UFSP2: variants seen among roughly 807,000 people sequenced by gnomAD.
UFSP2 encodes UFM1 specific peptidase 2, also known as ufm1-specific protease 2.
UFSP2 carries 43 observed loss-of-function variants against 60.2 expected under a neutral mutation model. That is an observed-to-expected ratio of 0.71 (90% CI 0.56 to 0.92). UFSP2 has a LOEUF of 0.92. UFSP2 is among the 40% of genes least tolerant of loss of function. The probability of loss-of-function intolerance (pLI) is 0.00; values close to 1 mark genes in which losing one functional copy is unlikely to be tolerated. For missense variants in UFSP2, 520 were observed against 575.0 expected, an observed-to-expected ratio of 0.90 and a Z score of 0.98; for synonymous variants, 183 against 195.1, an observed-to-expected ratio of 0.94 and a Z score of 0.52.
Position 185,408,043 on chromosome 4 carries a change from C to G in UFSP2, c.1014G>C (p.Gly338=). Residue 338 remains glycine, a synonymous_variant, in exon 9 of 12, where the codon GGG becomes GGC. Transcript: ENST00000264689. ...ATCCGACAAATGTTGCTGGTTTGTC[C>G]CCGGCATCGACTAGAGCCTTGATGT... ...REIQQALVDA[G]DKPATFVGSR... 2 of 1,613,692 alleles carry G rather than the reference C, an allele frequency of 1.2e-6. No homozygotes were observed. Among genetic ancestry groups the G allele is most frequent in the South Asian group, 1.1e-5 (1 of 91,062 alleles).
rs1276986723 is a variant in UFSP2, at chr4:185,418,503, C to CAAATCT, written c.267-2_270dup (p.Phe90_Glu91insArgPhe). On this transcript the variant is annotated inframe_insertion, in exon 4 of 12. Coordinates refer to ENST00000264689, the MANE Select transcript of UFSP2 (RefSeq NM_018359.5). ...TTTCTTTTTATATCTTCTTCTGGCT[C>CAAATCT]AAATCTAAATTTTTAATACACAGAC... is the stretch of plus-strand genomic sequence containing the variant. 1.6e-5 allele frequency: 26 copies of CAAATCT among 1,611,784 alleles called. No homozygotes were observed. Among genetic ancestry groups the CAAATCT allele is most frequent in the Non-Finnish European group, 2.1e-5 (25 of 1,179,022 alleles).
At chr4:185,418,897 T>A in intron 2 of UFSP2, 127 bp from the exon 3 acceptor site, 2 of 736,662 alleles carry the variant, frequency 2.7e-6, no homozygotes, top group Non-Finnish European at 4.0e-6. Flanking sequence ...AATAATAATT[T>A]CAAAATTTTT....
rs976431332 is a variant in UFSP2, at chr4:185,418,596, C to T, written c.257G>A (p.Arg86His). 5.0e-6 allele frequency: 8 copies of T among 1,612,850 alleles called. No homozygotes were observed. The Admixed American group carries it at 5.0e-5, about 10-fold the overall frequency. The change falls in exon 3 of 12, where the codon CGC (arginine) becomes CAC (histidine). Residue 86 changes from arginine (R) to histidine (H), a missense_variant. Transcript: ENST00000264689. ...TDASACKNILRFIQFEPEEDI... is the reference protein window; with the variant it reads ...TDASACKNILHFIQFEPEEDI... ...CTTCAAACATACTCACTGAATAAAGCGCAGTATGTTCTTACAAGCAGAAGC... is the reference window on the plus strand; with the variant it reads ...CTTCAAACATACTCACTGAATAAAGTGCAGTATGTTCTTACAAGCAGAAGC...
intron 6 of UFSP2, 36 bp downstream of exon 6, chr4:185,415,116 CATT>C (rs2095536035): frequency 1.4e-6 from 2 of 1,461,186 alleles, no homozygotes; most frequent in South Asian, 1.3e-5. Context: ...GAATGATAGT[CATT>C]ATTGTTTTTT....
rs2095543539 is a variant in UFSP2 at position 185,418,593 on chromosome 4, A to G, written c.260T>C (p.Phe87Ser). 1 of 1,613,016 alleles carries G rather than the reference A, an allele frequency of 6.2e-7. No homozygotes were observed. The highest frequency in any genetic ancestry group is 1.7e-5 in the Admixed American group (1 of 59,822). The part of the protein sequence containing the change: ...DASACKNILR[F>S]IQFEPEEDIK... ...AATCTTCAAACATACTCACTGAATA[A>G]AGCGCAGTATGTTCTTACAAGCAGA... The change falls in exon 3 of 12, where the codon TTT becomes TCT. Residue 87 changes from phenylalanine (F) to serine (S), a missense_variant. Transcript: ENST00000264689.
chr4:185,408,147 A>G (rs2095523588), intron 8 of UFSP2, 87 bp from the exon 9 acceptor site: 2 of 1,549,372 alleles, frequency 1.3e-6, no homozygotes, highest in South Asian at 1.2e-5. Context: ...TTACCAGTAC[A>G]AGAATTTTTT....
chr4:185,425,928 C>T lies in UFSP2; in HGVS notation c.-60G>A. The T allele has an allele frequency of 6.4e-7, 1 of 1,562,050 alleles. No individual in the cohort carries two copies. Among genetic ancestry groups the T allele is most frequent in the Non-Finnish European group, 8.7e-7 (1 of 1,152,716 alleles). ...CTGCCCAAAAGTTCCGGGGGCCGGC[C>T]CTGAAGTGGTGTCACCGCACGGCCC... On this transcript the variant is annotated 5_prime_UTR_variant, in exon 1 of 12. Transcript: ENST00000264689.
chr4:185,410,729 G>A (rs1052050531), intron 7 of UFSP2, among the ~76,000 whole-genome samples: 27 of 150,938 alleles, frequency 1.8e-4, no homozygotes, highest in Non-Finnish European at 3.0e-4. Flanking sequence ...GGCAGATCAC[G>A]AGGTCAGGAG....
Position 185,413,854 on chromosome 4 carries a change from T to C in UFSP2, c.703A>G (p.Asn235Asp), listed in dbSNP as rs752847349. Reference protein sequence around the residue: ...AYRKELHDLFNLPHDRPYFKR... With the variant: ...AYRKELHDLFDLPHDRPYFKR... The stretch of plus-strand genomic sequence containing the variant: ...AAATAGGGTCTGTCGTGAGGCAGAT[T>C]GAAAAGATCATGTAACTCCTAAAAT... The change falls in exon 7 of 12, where the codon AAT becomes GAT. Residue 235 changes from asparagine (N) to aspartate (D), a missense_variant. Coordinates refer to ENST00000264689, the MANE Select transcript of UFSP2 (RefSeq NM_018359.5). 6.2e-7 allele frequency: 1 copy of C among 1,606,728 alleles called. No individual in the cohort carries two copies. Among genetic ancestry groups the C allele is most frequent in the South Asian group, 1.1e-5 (1 of 89,198 alleles).
chr4:185,407,457 G>C (rs971822339), intron 9 of UFSP2, among the ~76,000 whole-genome samples: 71 of 152,080 alleles, frequency 4.7e-4, no homozygotes, highest in African/African-American at 1.6e-3. Flanking sequence ...TTAGAATTAT[G>C]GTTAAGATCA....
At chr4:185,425,414 T>C (rs1185041300) in intron 1 of UFSP2, among the ~76,000 whole-genome samples, 1 of 152,162 alleles carries the variant, frequency 6.6e-6, no homozygotes, top group Non-Finnish European at 1.5e-5. Flanking sequence ...GGAGAACGCA[T>C]AGGGTGTAAA....
chr4:185,424,725 G>C (rs1019679837), intron 1 of UFSP2, among the ~76,000 whole-genome samples: 10 of 152,172 alleles, frequency 6.6e-5, no homozygotes, highest in Non-Finnish European at 1.5e-5. Context: ...AGATACTGAA[G>C]ATAAAAGTTA....
At chr4:185,408,503 C>T (rs933971785) in intron 7 of UFSP2, 68 bp from the exon 8 acceptor site, 13 of 1,459,180 alleles carry the variant, frequency 8.9e-6, no homozygotes, top group Middle Eastern at 1.9e-4. Flanking sequence ...ATATATGCTC[C>T]CGAATTATGT....
chr4:185,406,799 C>T (rs1048358808), intron 9 of UFSP2, among the ~76,000 whole-genome samples: 1 of 152,098 alleles, frequency 6.6e-6, no homozygotes, highest in Non-Finnish European at 1.5e-5. Context: ...TGGTGTCAAA[C>T]TGCCAACCTC....
At chr4:185,412,183 A>T (rs2095530587) in intron 7 of UFSP2, among the ~76,000 whole-genome samples, 1 of 152,250 alleles carries the variant, frequency 6.6e-6, no homozygotes, top group Admixed American at 6.5e-5. Flanking sequence ...TATGTAAAGT[A>T]TATATTTTTC....
intron 8 of UFSP2, 74 bp downstream of exon 8, chr4:185,408,197 A>C: frequency 1.3e-6 from 2 of 1,563,456 alleles, no homozygotes; most frequent in Non-Finnish European, 1.7e-6. Context: ...ATGAGGTAAC[A>C]AAAATTATCA....
Position 185,405,977 on chromosome 4 carries a change from T to C in UFSP2, c.1122-121A>G, listed in dbSNP as rs749435282. On this transcript the variant is annotated intron_variant, in intron 9 of 11. Coordinates refer to ENST00000264689, the MANE Select transcript of UFSP2 (RefSeq NM_018359.5). ...GGGTGTTACTGAAAAAATATATAAA[T>C]GTAAAAAAATTAAGTGTTAGGGAAC... 22 of 1,543,682 alleles carry C rather than the reference T, an allele frequency of 1.4e-5. No homozygotes were observed. The South Asian group carries it at 2.5e-4, about 17-fold the overall frequency.
chr4:185,414,890 A>G (rs2095535660), intron 6 of UFSP2, among the ~76,000 whole-genome samples: 1 of 152,214 alleles, frequency 6.6e-6, no homozygotes, highest in Admixed American at 6.5e-5. Flanking sequence ...TTATGGAAAA[A>G]TATTAAAATT....
At chr4:185,419,154 T>C (rs113926013) in intron 2 of UFSP2, among the ~76,000 whole-genome samples, 4,059 of 152,080 alleles carry the variant, frequency 0.027, 86 homozygotes, top group Middle Eastern at 0.071. Flanking sequence ...TTTTTTGAGA[T>C]GGAGTCTCGC....
Sources: gnomAD v4.1 joint callset for allele counts (sites outside exome capture counted in the v4.1 genomes callset) on GRCh38, gnomAD v4.1.1 for gene constraint, MANE v1.5 for transcripts, NCBI Gene and HGNC (gene_info 2026-07-23, HGNC 2026-07-21) for gene names.